SNAP25: variants seen among roughly 807,000 people sequenced by gnomAD.
SNAP25 encodes the protein synaptosomal-associated protein 25.
Under a neutral mutation model 28.7 loss-of-function variants are expected in SNAP25, and 3 were observed. That is an observed-to-expected ratio of 0.10 (90% CI 0.05 to 0.27). SNAP25 has a LOEUF of 0.27. Ranked by LOEUF, SNAP25 falls within the 10% of genes least tolerant of loss-of-function variation. The pLI is 1.00. For synonymous variants in SNAP25, 61 were observed against 88.1 expected, an observed-to-expected ratio of 0.69 and a Z score of 1.72; for missense variants, 117 against 278.7, an observed-to-expected ratio of 0.42 and a Z score of 4.13.
intron 1 of SNAP25, among the ~76,000 whole-genome samples, chr20:10,261,094 C>A (rs996067279): frequency 1.3e-5 from 2 of 152,060 alleles, no homozygotes; most frequent in Non-Finnish European, 2.9e-5. Context: ...TAATATTGAA[C>A]CAATCTAGTA....
chr20:10,281,189 C>A (rs986513108), intron 3 of SNAP25, among the ~76,000 whole-genome samples: 1 of 152,182 alleles, frequency 6.6e-6, no homozygotes, highest in African/African-American at 2.4e-5. Flanking sequence ...ATTTTCCCAG[C>A]AATCTCAAAC....
intron 1 of SNAP25, among the ~76,000 whole-genome samples, chr20:10,273,839 G>A (rs1471119191): frequency 6.6e-6 from 1 of 152,212 alleles, no homozygotes; most frequent in Non-Finnish European, 1.5e-5. Context: ...GCTACTCACA[G>A]AGAATTTTTC....
chr20:10,228,764 T>C (rs1364567181), intron 1 of SNAP25, among the ~76,000 whole-genome samples: 5 of 152,164 alleles, frequency 3.3e-5, no homozygotes, highest in African/African-American at 9.7e-5. Flanking sequence ...AGGAAGGGAC[T>C]GTTGTTATGT....
At chr20:10,264,135 C>A (rs2063466985) in intron 1 of SNAP25, among the ~76,000 whole-genome samples, 1 of 152,026 alleles carries the variant, frequency 6.6e-6, no homozygotes, top group Admixed American at 6.5e-5. Flanking sequence ...CCAATGCTGG[C>A]TGCATTTCAA....
chr20:10,302,859 G>A (rs559571323), intron 7 of SNAP25, among the ~76,000 whole-genome samples: 1 of 151,774 alleles, frequency 6.6e-6, no homozygotes, highest in Admixed American at 6.6e-5. Flanking sequence ...TATTGCATGG[G>A]GTGGAATTTT....
At chr20:10,223,419 TA>T (rs2062670526) in intron 1 of SNAP25, among the ~76,000 whole-genome samples, 1 of 152,180 alleles carries the variant, frequency 6.6e-6, no homozygotes, top group Non-Finnish European at 1.5e-5. Context: ...TTTCTGGCTA[TA>T]AGGTATCAAG....
At chr20:10,305,527 G>A (rs2064334238) in intron 7 of SNAP25, among the ~76,000 whole-genome samples, 1 of 152,158 alleles carries the variant, frequency 6.6e-6, no homozygotes, top group Non-Finnish European at 1.5e-5. Context: ...GGGCATCAGA[G>A]CAAGACCCTG....
Position 10,239,780 on chromosome 20 carries a change from G to A in SNAP25, c.-64+20803G>A, listed in dbSNP as rs1381404034. ...GGAACCTGCATGACCTTGGGGCAAC[G>A]CTTCTGTGCTACTCCACAATGTCCC... On this transcript the variant is annotated intron_variant, in intron 1 of 7. Transcript: ENST00000254976. Among the ~76,000 whole-genome samples the A allele has an allele frequency of 2.6e-5, 4 of 152,150 alleles. No homozygotes were observed. The East Asian group carries it at 5.8e-4, about 22-fold the overall frequency.
chr20:10,248,151 C>A (rs1312615934), intron 1 of SNAP25, among the ~76,000 whole-genome samples: 1 of 152,170 alleles, frequency 6.6e-6, no homozygotes, highest in Non-Finnish European at 1.5e-5. Context: ...TTCTCCCCAG[C>A]TGAATTGCAT....
chr20:10,275,069 T>TAAATAAA (rs1555791825), intron 1 of SNAP25, among the ~76,000 whole-genome samples: 1 of 131,930 alleles, frequency 7.6e-6, no homozygotes, highest in Non-Finnish European at 1.6e-5. Flanking sequence ...ATAGAGCTAT[T>TAAATAAA]TAAATAAATA....
At chr20:10,238,092 T>C (rs2062955897) in intron 1 of SNAP25, among the ~76,000 whole-genome samples, 1 of 152,200 alleles carries the variant, frequency 6.6e-6, no homozygotes, top group Admixed American at 6.5e-5. Flanking sequence ...ACTGTCTGCA[T>C]ACTCAAGACA....
rs561007256 is a variant in SNAP25, at chr20:10,264,676, A to T, written c.-63-10753A>T. On this transcript the variant is annotated intron_variant, in intron 1 of 7. Transcript: ENST00000254976. ...TGGATAGTTTGGATAGTTTATCATA[A>T]GGTTACCCTTATGGGAAACCAGAGT... Among the ~76,000 whole-genome samples the T allele has an allele frequency of 3.3e-5, 5 of 152,296 alleles. No homozygotes were observed. The South Asian group carries it at 1.0e-3, about 32-fold the overall frequency.
chr20:10,278,657 T>C (rs1215598687), intron 3 of SNAP25, among the ~76,000 whole-genome samples: 1 of 152,116 alleles, frequency 6.6e-6, no homozygotes, highest in Admixed American at 6.5e-5. Flanking sequence ...GGGCTTTCTC[T>C]GGCAGAATGA....
intron 1 of SNAP25, among the ~76,000 whole-genome samples, chr20:10,240,265 G>A (rs564433261): frequency 3.9e-5 from 6 of 152,264 alleles, no homozygotes; most frequent in African/African-American, 1.4e-4. Flanking sequence ...AAGCCCAGCA[G>A]AAGAATCTCT....
intron 3 of SNAP25, among the ~76,000 whole-genome samples, chr20:10,280,212 G>A (rs961144447): frequency 1.3e-5 from 2 of 152,154 alleles, no homozygotes; most frequent in Non-Finnish European, 2.9e-5. Context: ...ATCCTTAACA[G>A]ACTCCAGGGT....
intron 1 of SNAP25, among the ~76,000 whole-genome samples, chr20:10,220,744 T>A (rs2062615355): frequency 6.6e-6 from 1 of 152,222 alleles, no homozygotes; most frequent in African/African-American, 2.4e-5. Context: ...ATCTATACAA[T>A]GCATTAAAGA....
intron 1 of SNAP25, among the ~76,000 whole-genome samples, chr20:10,231,937 A>C (rs1476949333): frequency 6.6e-6 from 1 of 152,172 alleles, no homozygotes; most frequent in African/African-American, 2.4e-5. Context: ...TGGATTTTTC[A>C]TATTATAGAA....
At chr20:10,237,386 T>C (rs6039783) in intron 1 of SNAP25, among the ~76,000 whole-genome samples, 21,750 of 152,136 alleles carry the variant, frequency 0.14, 2,941 homozygotes, top group African/African-American at 0.36. Context: ...GAGAAAATCC[T>C]AAGGCAATGA....
At chr20:10,247,337 T>G (rs1449464293) in intron 1 of SNAP25, among the ~76,000 whole-genome samples, 1 of 152,192 alleles carries the variant, frequency 6.6e-6, no homozygotes, top group Non-Finnish European at 1.5e-5. Context: ...CAAACTTTTT[T>G]CTGGCTCCTG....
Sources: allele counts gnomAD v4.1 joint callset (sites outside exome capture counted in the v4.1 genomes callset), GRCh38; gene constraint gnomAD v4.1.1; transcripts MANE v1.5; gene names NCBI Gene and HGNC (gene_info 2026-07-23, HGNC 2026-07-21).